Variants in RSRP1 observed in about 807,000 individuals in gnomAD.
The protein encoded by RSRP1 is arginine/serine-rich protein 1.
Under a neutral mutation model 33.0 loss-of-function variants are expected in RSRP1, and 37 were observed. The observed-to-expected ratio is 1.12, with a 90% CI of 0.86 to 1.48. The LOEUF is 1.48. Ranked by LOEUF, RSRP1 falls within the 40% of genes most tolerant of loss-of-function variation. The pLI, the probability that RSRP1 is intolerant of heterozygous loss-of-function variation, is 0.00. For synonymous variants in RSRP1, 167 were observed against 158.7 expected (o/e 1.05, Z -0.40); for missense variants, 402 against 385.3 (o/e 1.04, Z -0.36).
At chr1:25,321,231 C>T (rs1477677082) in intron 1 of RSRP1, among the ~76,000 whole-genome samples, 1 of 128,094 alleles carries the variant, frequency 7.8e-6, no homozygotes, top group Non-Finnish European at 1.8e-5. Context: ...TCCATAGTAG[C>T]CCATATGTCT....
chr1:25,253,873 A>G (rs1376487833), intron 1 of RSRP1: 7 of 152,240 alleles, frequency 4.6e-5, no homozygotes, highest in African/African-American at 1.7e-4. Flanking sequence ...GTTTCCTCCA[A>G]CGGTGGTGGG....
intron 1 of RSRP1, among the ~76,000 whole-genome samples, chr1:25,260,428 C>T (rs913949878): frequency 6.6e-6 from 1 of 152,050 alleles, no homozygotes; most frequent in African/African-American, 2.4e-5. Context: ...CATAATTTTA[C>T]AGATTTTTTT....
At position 25,313,974 on chromosome 1, in the gene RSRP1, C is replaced by A. The variant is rs1480085656; in HGVS notation, c.-67+24004G>T. Among the ~76,000 whole-genome samples the A allele has an allele frequency of 1.5e-5, 2 of 132,678 alleles. 1 individual carries two copies. Among genetic ancestry groups the A allele is most frequent in the Admixed American group, 1.5e-4 (2 of 13,688 alleles). 87.0% of individuals were successfully genotyped at this position (132,678 alleles called of 152,430 possible). A position where few individuals can be genotyped will look rare whatever the true frequency, so the allele number is the denominator to read the frequency against. On this transcript the variant is annotated intron_variant, in intron 1 of 1. Transcript: ENST00000561867. The stretch of plus-strand genomic sequence containing the variant: ...TGTGAATGCAGCAGAATTTATTTAT[C>A]CATTATTGAGGAGGATTTGGGTAGT...
rs199509194 is a variant in RSRP1 at position 25,284,610 on chromosome 1, G to T, written c.-66-37581C>A. 4.1e-3 allele frequency: 5,747 copies of T among 1,388,880 alleles called. 943 individuals are homozygous for T. The African/African-American group carries it at 0.068, about 16-fold the overall frequency. 86.0% of individuals were successfully genotyped at this position (1,388,880 alleles called of 1,614,324 possible). ...TGACCGTGATGGCGGCCATTGGCTT[G>T]GGCTTCCTCACCTCGAGTTTCCGGA... On this transcript the variant is annotated intron_variant, in intron 1 of 1. Coordinates refer to the RSRP1 transcript ENST00000561867.
rs560482953 is a variant in RSRP1 at position 25,320,732 on chromosome 1, T to C, written c.-67+17246A>G. On this transcript the variant is annotated intron_variant, in intron 1 of 1. Transcript: ENST00000561867. ...TGGAGGAATACATATGGCCAAGCTA[T>C]CTGGGCAGAGAGTAGACAGGGAATG... Among the ~76,000 whole-genome samples the C allele has an allele frequency of 3.0e-5, 4 of 132,100 alleles. 1 individual carries two copies. The highest frequency in any genetic ancestry group is 1.5e-4 in the Admixed American group (2 of 13,540). 86.7% of individuals were successfully genotyped at this position (132,100 alleles called of 152,430 possible). A position where few individuals can be genotyped will look rare whatever the true frequency, so the allele number is the denominator to read the frequency against.
chr1:25,285,192 T>A (rs1641865121), intron 1 of RSRP1, among the ~76,000 whole-genome samples: 1 of 131,154 alleles, frequency 7.6e-6, no homozygotes, highest in African/African-American at 2.7e-5. Flanking sequence ...TGGAGTGCAA[T>A]GGCGCTATCT....
chr1:25,252,892 T>C (rs2124553482), intron 1 of RSRP1, among the ~76,000 whole-genome samples: 1 of 152,250 alleles, frequency 6.6e-6, no homozygotes, highest in Middle Eastern at 3.4e-3. Context: ...CCTTTTGTCA[T>C]TGGACTCAAG....
At chr1:25,259,057 C>T (rs1489648093) in intron 1 of RSRP1, among the ~76,000 whole-genome samples, 1 of 152,048 alleles carries the variant, frequency 6.6e-6, no homozygotes, top group Non-Finnish European at 1.5e-5. Flanking sequence ...TGATGGTGGT[C>T]ATCCAGTAAG....
intron 1 of RSRP1, among the ~76,000 whole-genome samples, chr1:25,264,714 TCTC>T (rs1315794167): frequency 7.8e-6 from 1 of 128,708 alleles, no homozygotes; most frequent in Non-Finnish European, 1.7e-5. Flanking sequence ...AGCTTGAATT[TCTC>T]CTCAGAAAAT....
At chr1:25,244,026 G>A in intron 3 of RSRP1, 2 of 1,189,664 alleles carry the variant, frequency 1.7e-6, no homozygotes, top group South Asian at 3.2e-5. Flanking sequence ...ACCCACATCT[G>A]GGCCCAATTA....
intron 1 of RSRP1, among the ~76,000 whole-genome samples, chr1:25,314,725 T>C (rs1191514350): frequency 3.0e-5 from 4 of 131,842 alleles, no homozygotes; most frequent in African/African-American, 1.0e-4. Flanking sequence ...AGGCTGATCT[T>C]GGACTCCTGG....
rs1335723689 is a variant in RSRP1, at chr1:25,268,793, C to G, written c.-66-21764G>C. Among the ~76,000 whole-genome samples, 11 of 129,284 alleles carry G rather than the reference C, an allele frequency of 8.5e-5. 2 individuals are homozygous for G. Among genetic ancestry groups the G allele is most frequent in the Non-Finnish European group, 1.5e-4 (8 of 54,492 alleles). The allele number at this position is 129,284 out of a possible 152,430, so 84.8% of individuals were successfully genotyped here. Reference sequence around the variant, plus strand: ...TGAAATCCTGTCTCTACTAAAAAAACAAAAACTAGCCGGGTGTGGTATCAC... The same window carrying G: ...TGAAATCCTGTCTCTACTAAAAAAAGAAAAACTAGCCGGGTGTGGTATCAC... On this transcript the variant is annotated intron_variant, in intron 1 of 1. Coordinates refer to the RSRP1 transcript ENST00000561867.
intron 1 of RSRP1, among the ~76,000 whole-genome samples, chr1:25,296,243 CTTTTTTT>C (rs894411494): frequency 2.6e-5 from 3 of 115,386 alleles, no homozygotes; most frequent in African/African-American, 8.7e-5. Context: ...GTGTACATTT[CTTTTTTT>C]TTTTTTCTTT....
At chr1:25,315,180 A>C (rs1384946278) in intron 1 of RSRP1, among the ~76,000 whole-genome samples, 2 of 130,328 alleles carry the variant, frequency 1.5e-5, no homozygotes, top group African/African-American at 5.3e-5. Context: ...TTGCAAGGTC[A>C]TGCATATGTC....
Position 25,246,770 on chromosome 1 carries a change from C to A in RSRP1, c.194G>T (p.Arg65Leu). 6.2e-7 allele frequency: 1 copy of A among 1,611,294 alleles called. No homozygotes were observed. The highest frequency in any genetic ancestry group is 8.5e-7 in the Non-Finnish European group (1 of 1,178,004). The change falls in exon 2 of 5, where the codon CGT becomes CTT. Residue 65 changes from arginine to leucine, a missense_variant. Coordinates refer to ENST00000243189, the MANE Select transcript of RSRP1 (RefSeq NM_020317.5). ...SRSRRSKSRS[R>L]SRRRHQRKYR... ...CTTCCGCTGGTGGCGCCTTCGGGAA[C>A]GGGACCTGGACTTGCTCCTCCGACT...
At chr1:25,245,009 C>G in intron 3 of RSRP1, 141 bp downstream of exon 3, 1 of 1,554,998 alleles carries the variant, frequency 6.4e-7, no homozygotes. Flanking sequence ...CATTGCCTAT[C>G]TTCAGATTTG....
Position 25,246,630 on chromosome 1 carries a change from G to A in RSRP1, c.334C>T (p.Arg112Trp). ...RRYYRSPSRY[R>W]SRSRSRSRSR... Reference sequence around the variant, plus strand: ...CGCGACCTGCTACGGGACCGGGACCGGTACCGCGAAGGAGACCGGTAGTAT... The same window carrying A: ...CGCGACCTGCTACGGGACCGGGACCAGTACCGCGAAGGAGACCGGTAGTAT... Residue 112 changes from arginine to tryptophan, a missense_variant, in exon 2 of 5, where the codon CGG becomes TGG. Transcript: ENST00000243189. The A allele has an allele frequency of 6.2e-7, 1 of 1,614,066 alleles. No homozygotes were observed.
Position 25,244,059 on chromosome 1 carries a change from A to ATT in RSRP1, c.673-428_673-427dup, listed in dbSNP as rs5773124. On this transcript the variant is annotated intron_variant, in intron 3 of 4. Coordinates refer to ENST00000243189, the MANE Select transcript of RSRP1 (RefSeq NM_020317.5). ...TTACACAGATTCATTTAGATACAGC[A>ATT]TTTTTTTTTTTTAAGCCCCCGAGAC... 9.5e-3 allele frequency: 9,605 copies of ATT among 1,008,696 alleles called. 1 individual carries two copies. Among genetic ancestry groups the ATT allele is most frequent in the South Asian group, 0.018 (935 of 53,004 alleles). 62.5% of individuals were successfully genotyped at this position (1,008,696 alleles called of 1,614,324 possible).
intron 1 of RSRP1, among the ~76,000 whole-genome samples, chr1:25,263,681 C>A (rs999500769): frequency 6.6e-6 from 1 of 151,546 alleles, no homozygotes; most frequent in Non-Finnish European, 1.5e-5. Context: ...TCCCAAATTT[C>A]ATGTCCTCAC....
Sources: gnomAD v4.1 joint callset for allele counts (sites outside exome capture counted in the v4.1 genomes callset) on GRCh38, gnomAD v4.1.1 for gene constraint, MANE v1.5 for transcripts, NCBI Gene and HGNC (gene_info 2026-07-23, HGNC 2026-07-21) for gene names.